The following TMIGD2 variants were observed in gnomAD, a reference collection of about 807,000 sequenced individuals.
TMIGD2 encodes transmembrane and immunoglobulin domain containing 2.
In TMIGD2, 18 loss-of-function variants were observed where a neutral mutation model predicts 22.6. The ratio of observed to expected loss-of-function variants is 0.80; its 90% CI spans 0.55 to 1.18. The LOEUF is 1.18. Among genes scored for constraint, TMIGD2 ranks in the 50% most tolerant of loss-of-function variants. The pLI is 0.00. For synonymous variants in TMIGD2, 184 were observed against 154.1 expected (o/e 1.19, Z -1.44); for missense variants, 361 against 378.2 (o/e 0.95, Z 0.38).
intron 1 of TMIGD2, among the ~76,000 whole-genome samples, chr19:4,298,668 C>T (rs894477567): frequency 1.4e-4 from 21 of 151,990 alleles, no homozygotes; most frequent in Non-Finnish European, 1.0e-4. Context: ...CCCAGGCGTT[C>T]GAGGCTGCGG....
chr19:4,300,755 G>C (rs927903232), intron 1 of TMIGD2, among the ~76,000 whole-genome samples: 3 of 152,120 alleles, frequency 2.0e-5, no homozygotes, highest in Non-Finnish European at 4.4e-5. Flanking sequence ...AAAGGCCCTG[G>C]GGCAGGACTG....
intron 2 of TMIGD2, 82 bp downstream of exon 2, chr19:4,297,904 T>C: frequency 6.9e-7 from 1 of 1,445,878 alleles, no homozygotes; most frequent in Non-Finnish European, 9.1e-7. Context: ...GAGTTTTTTG[T>C]TTCTAGGAGT....
At chr19:4,298,995 A>G (rs1004268215) in intron 1 of TMIGD2, among the ~76,000 whole-genome samples, 5 of 152,170 alleles carry the variant, frequency 3.3e-5, no homozygotes, top group African/African-American at 1.2e-4. Context: ...GAAGCTGACA[A>G]TCTAGGGCAA....
At chr19:4,299,823 T>A (rs577524150) in intron 1 of TMIGD2, among the ~76,000 whole-genome samples, 1 of 147,958 alleles carries the variant, frequency 6.8e-6, no homozygotes, top group Non-Finnish European at 1.5e-5. Context: ...GAGGCAGAGG[T>A]TGCAGTGAGC....
Position 4,298,226 on chromosome 19 carries a change from G to A in TMIGD2, c.166C>T (p.Arg56Cys), listed in dbSNP as rs148646508. 210 of 1,612,988 alleles carry A rather than the reference G, an allele frequency of 1.3e-4. No homozygotes were observed. Among genetic ancestry groups the A allele is most frequent in the Non-Finnish European group, 1.7e-4 (203 of 1,179,988 alleles). The change falls in exon 2 of 5, where the codon CGT (arginine) becomes TGT (cysteine). Residue 56 changes from arginine (R) to cysteine (C), a missense_variant. By Grantham distance (180) the Arg-to-Cys change is radical (BLOSUM62 -3). Transcript: ENST00000301272. ...GCCCCATCCTTTGTCCACTTAACACGGAGCCGTTCCCAGGCTGTGGCCTGG... is the reference window on the plus strand; with the variant it reads ...GCCCCATCCTTTGTCCACTTAACACAGAGCCGTTCCCAGGCTGTGGCCTGG...
Position 4,292,839 on chromosome 19 carries a change from T to TG in TMIGD2, c.608dup (p.Lys205GlufsTer3), listed in dbSNP as rs1234978325. 24 of 1,613,752 alleles carry TG rather than the reference T, an allele frequency of 1.5e-5. No homozygotes were observed. The highest frequency in any genetic ancestry group is 1.8e-5 in the Non-Finnish European group (21 of 1,179,928). On this transcript the variant is annotated frameshift_variant, in exon 5 of 5. Coordinates refer to ENST00000301272, the Ensembl canonical transcript of TMIGD2. LOFTEE classifies it low-confidence loss of function (END_TRUNC). The stretch of plus-strand genomic sequence containing the variant: ...CTCCAGAGCAGTCCTCACTCTTCTT[T>TG]GGGGCCCCCCGGGGCCGGTATAGGA...
At chr19:4,296,062 G>A (rs546619284) in intron 2 of TMIGD2, among the ~76,000 whole-genome samples, 1 of 152,256 alleles carries the variant, frequency 6.6e-6, no homozygotes, top group East Asian at 1.9e-4. Context: ...GGGACTATGG[G>A]TATATGCCAC....
chr19:4,295,730 C>T lies in TMIGD2; in HGVS notation c.407-914G>A, dbSNP rs145422031. Among the ~76,000 whole-genome samples, 758 of 152,146 alleles carry T rather than the reference C, an allele frequency of 5.0e-3. 4 individuals are homozygous for T. The highest frequency in any genetic ancestry group is 8.5e-3 in the Non-Finnish European group (580 of 68,008). On this transcript the variant is annotated intron_variant, in intron 2 of 4. Transcript: ENST00000301272. ...TTGTTTGAGCCTCTACTCCATGCCA[C>T]GCCCATTTTATAGACGGGGAAACCG...
At chr19:4,298,306 G>T in exon 2 of TMIGD2, 1 of 1,601,196 alleles carries the variant, frequency 6.2e-7, no homozygotes, top group South Asian at 1.1e-5. Context: ...CAGCAAGTTG[G>T]GCCCCTGCTG....
exon 2 of TMIGD2, chr19:4,298,265 C>A: frequency 6.2e-7 from 1 of 1,611,604 alleles, no homozygotes; most frequent in Non-Finnish European, 8.5e-7. Flanking sequence ...ACCTGGCAGA[C>A]CAGGGTCGCC....
At chr19:4,300,079 G>T (rs1971515569) in intron 1 of TMIGD2, among the ~76,000 whole-genome samples, 1 of 151,180 alleles carries the variant, frequency 6.6e-6, no homozygotes, top group Admixed American at 6.6e-5. Flanking sequence ...TGGCCAACAT[G>T]GTGAAACCCT....
intron 4 of TMIGD2, 32 bp from the exon 5 acceptor site, chr19:4,292,917 C>G: frequency 6.2e-7 from 1 of 1,611,732 alleles, no homozygotes; most frequent in Non-Finnish European, 8.5e-7. Flanking sequence ...AAGAGGATCA[C>G]TTAAGAGAGT....
chr19:4,297,354 C>G (rs1971474548), intron 2 of TMIGD2, among the ~76,000 whole-genome samples: 1 of 151,640 alleles, frequency 6.6e-6, no homozygotes, highest in Non-Finnish European at 1.5e-5. Flanking sequence ...CAGGGATGAG[C>G]TACCGCGCCC....
intron 4 of TMIGD2, among the ~76,000 whole-genome samples, chr19:4,294,320 G>T (rs1051455562): frequency 6.6e-6 from 1 of 152,126 alleles, no homozygotes; most frequent in African/African-American, 2.4e-5. Context: ...CTCCCAAAAT[G>T]CTGGGATGAC....
chr19:4,292,859 A>T, exon 5 of TMIGD2: 1 of 1,613,862 alleles, frequency 6.2e-7, no homozygotes, highest in Non-Finnish European at 8.5e-7. Context: ...CGGGGCCGGT[A>T]TAGGACGTTG....
At chr19:4,300,601 C>T (rs1971524105) in intron 1 of TMIGD2, among the ~76,000 whole-genome samples, 1 of 152,198 alleles carries the variant, frequency 6.6e-6, no homozygotes, top group South Asian at 2.1e-4. Context: ...TGTGATCCTC[C>T]CACCTCAGCC....
At chr19:4,295,533 C>G (rs1213724423) in intron 2 of TMIGD2, among the ~76,000 whole-genome samples, 1 of 151,736 alleles carries the variant, frequency 6.6e-6, no homozygotes, top group East Asian at 1.9e-4. Flanking sequence ...GCACTCCAGC[C>G]TGGGCGACAG....
At chr19:4,298,391 G>T (rs1373307742) in intron 1 of TMIGD2, 46 bp from the exon 2 acceptor site, 3 of 1,506,154 alleles carry the variant, frequency 2.0e-6, no homozygotes, top group Non-Finnish European at 1.8e-6. Flanking sequence ...CTGTGCGCAT[G>T]TGAGGCTGTG....
exon 2 of TMIGD2, chr19:4,298,050 C>A: frequency 6.2e-7 from 1 of 1,613,400 alleles, no homozygotes; most frequent in Non-Finnish European, 8.5e-7. Flanking sequence ...TCTCTACGGC[C>A]GCCCAGCACA....
Sources: gnomAD v4.1 joint callset for allele counts (sites outside exome capture counted in the v4.1 genomes callset) on GRCh38, gnomAD v4.1.1 for gene constraint, MANE v1.5 for transcripts, NCBI Gene and HGNC (gene_info 2026-07-23, HGNC 2026-07-21) for gene names.